The following SLC13A1 variants were observed in gnomAD, a reference collection of about 807,000 sequenced individuals.
SLC13A1 encodes the protein Na(+)/sulfate cotransporter.
SLC13A1 carries 65 observed loss-of-function variants against 70.0 expected under a neutral mutation model. The ratio of observed to expected loss-of-function variants is 0.93; its 90% CI spans 0.76 to 1.14. SLC13A1 has a LOEUF of 1.14. Ranked by LOEUF, SLC13A1 falls within the 50% of genes most tolerant of loss-of-function variation. The probability of loss-of-function intolerance (pLI) is 0.00; values close to 1 mark genes in which losing one functional copy is unlikely to be tolerated. For missense variants in SLC13A1, 726 were observed against 717.8 expected, an observed-to-expected ratio of 1.01 and a Z score of -0.13; for synonymous variants, 275 against 250.5, an observed-to-expected ratio of 1.10 and a Z score of -0.92.
intron 6 of SLC13A1, among the ~76,000 whole-genome samples, chr7:123,150,050 T>C (rs1794500137): frequency 6.6e-6 from 1 of 152,150 alleles, no homozygotes; most frequent in South Asian, 2.1e-4. Flanking sequence ...TTGTTAAAAA[T>C]TACATGCACA....
At chr7:123,194,395 TACTGGGG>T (rs1563359676) in intron 1 of SLC13A1, among the ~76,000 whole-genome samples, 1 of 152,112 alleles carries the variant, frequency 6.6e-6, no homozygotes, top group African/African-American at 2.4e-5. Context: ...GGGAGATAGA[TACTGGGG>T]ACTGTGTGGT....
chr7:123,143,745 T>C lies in SLC13A1; in HGVS notation c.812+3414A>G, dbSNP rs537436201. ...AGGTGCTTTTCTGTATGTAGATAGA[T>C]GTTAAATTGGTGTCCTTGCACGGGG... On this transcript the variant is annotated intron_variant, in intron 7 of 14. Transcript: ENST00000194130. Among the ~76,000 whole-genome samples, 99 of 152,280 alleles carry C rather than the reference T, an allele frequency of 6.5e-4. 2 individuals carry two copies. The highest frequency in any genetic ancestry group is 3.4e-3 in the Middle Eastern group (1 of 294).
intron 2 of SLC13A1, among the ~76,000 whole-genome samples, chr7:123,173,122 T>C (rs1795328939): frequency 6.6e-6 from 1 of 152,060 alleles, no homozygotes; most frequent in Non-Finnish European, 1.5e-5. Context: ...AAACAATAGC[T>C]AATAGAAGGA....
At chr7:123,141,261 T>C (rs1046187411) in intron 7 of SLC13A1, among the ~76,000 whole-genome samples, 1 of 152,160 alleles carries the variant, frequency 6.6e-6, no homozygotes, top group Non-Finnish European at 1.5e-5. Flanking sequence ...TATTCTATTG[T>C]GGTTAGAGAA....
intron 1 of SLC13A1, among the ~76,000 whole-genome samples, chr7:123,189,143 C>G (rs1018368058): frequency 5.0e-5 from 7 of 140,652 alleles, no homozygotes; most frequent in Non-Finnish European, 4.7e-5. Flanking sequence ...GAAAGAAAAT[C>G]TTTCTACATT....
At chr7:123,190,708 A>T (rs914058501) in intron 1 of SLC13A1, 1 of 455,344 alleles carries the variant, frequency 2.2e-6, no homozygotes, top group African/African-American at 2.0e-5. Context: ...TGAGCATTAG[A>T]GTGTCTAAGA....
chr7:123,123,314 A>G (rs1281371580), intron 11 of SLC13A1, 79 bp from the exon 12 acceptor site: 5 of 873,618 alleles, frequency 5.7e-6, no homozygotes, highest in Non-Finnish European at 9.7e-6. Flanking sequence ...CTAAGTAGCC[A>G]TCTTACAGGA....
At chr7:123,137,418 G>A (rs1225591329) in intron 7 of SLC13A1, among the ~76,000 whole-genome samples, 1 of 152,146 alleles carries the variant, frequency 6.6e-6, no homozygotes, top group South Asian at 2.1e-4. Flanking sequence ...TCAAAAGCAC[G>A]AACTATCCCG....
rs187905939 is a variant in SLC13A1, at chr7:123,166,578, C to T, written c.660+1796G>A. Reference sequence around the variant, plus strand: ...CCACACAACAGGCCCCAGTGTGTGACGTTCCCCTTCCTGTGCCCATGTGTT... The same window carrying T: ...CCACACAACAGGCCCCAGTGTGTGATGTTCCCCTTCCTGTGCCCATGTGTT... On this transcript the variant is annotated intron_variant, in intron 6 of 14. Coordinates refer to ENST00000194130, the MANE Select transcript of SLC13A1 (RefSeq NM_022444.4). Among the ~76,000 whole-genome samples, 197 of 152,082 alleles carry T rather than the reference C, an allele frequency of 1.3e-3. 2 individuals are homozygous for T. The highest frequency in any genetic ancestry group is 1.9e-3 in the Non-Finnish European group (130 of 67,994).
At position 123,180,965 on chromosome 7, in the gene SLC13A1, G is replaced by T. The variant is rs776203242; in HGVS notation, c.228+8C>A. ...AAATCAACTTATGACATTGGCAAGA[G>T]GACTTACCTTCTTAGAAGGCATGAT... On this transcript the variant is annotated splice_region_variant and intron_variant, in intron 2 of 14. Coordinates refer to ENST00000194130, the MANE Select transcript of SLC13A1 (RefSeq NM_022444.4). 1 of 1,607,508 alleles carries T rather than the reference G, an allele frequency of 6.2e-7. No individual in the cohort carries two copies. The highest frequency in any genetic ancestry group is 1.7e-5 in the Admixed American group (1 of 58,918).
chr7:123,176,024 G>A (rs1585382527), intron 2 of SLC13A1, among the ~76,000 whole-genome samples: 1 of 152,124 alleles, frequency 6.6e-6, no homozygotes, highest in East Asian at 1.9e-4. Context: ...ATAGCCAAAG[G>A]CAATATGTCA....
At chr7:123,133,650 T>A (rs1036404583) in intron 8 of SLC13A1, among the ~76,000 whole-genome samples, 4 of 151,670 alleles carry the variant, frequency 2.6e-5, no homozygotes, top group Non-Finnish European at 4.4e-5. Context: ...CAATTCTCCT[T>A]CCTCGGCCTC....
At chr7:123,141,679 G>T (rs1209367637) in intron 7 of SLC13A1, among the ~76,000 whole-genome samples, 1 of 151,974 alleles carries the variant, frequency 6.6e-6, no homozygotes, top group Non-Finnish European at 1.5e-5. Flanking sequence ...ATTATATAGT[G>T]ACCTTCTTTG....
intron 7 of SLC13A1, among the ~76,000 whole-genome samples, chr7:123,138,968 GTAT>G (rs1342055623): frequency 6.6e-6 from 1 of 152,070 alleles, no homozygotes; most frequent in Non-Finnish European, 1.5e-5. Flanking sequence ...GGCTTGTGGG[GTAT>G]TATTCAAGAA....
intron 8 of SLC13A1, among the ~76,000 whole-genome samples, chr7:123,132,532 C>A (rs949403864): frequency 1.3e-5 from 2 of 152,050 alleles, no homozygotes; most frequent in Non-Finnish European, 2.9e-5. Context: ...CCACCACGCC[C>A]AGCTAATTTT....
chr7:123,125,569 C>G lies in SLC13A1; in HGVS notation c.1240G>C (p.Val414Leu), dbSNP rs1324676169. 1.3e-6 allele frequency: 2 copies of G among 1,593,842 alleles called. No individual in the cohort carries two copies. The highest frequency in any genetic ancestry group is 1.7e-6 in the Non-Finnish European group (2 of 1,168,312). ...LTKTTPTGEI[V>L]AFDYSPLITW... ...TGCAGAATTATAAATGATACTCAAC[C>G]AATTTCTCCTGTAGGTGTAGTTTTA... Residue 414 changes from valine (V) to leucine (L), a missense_variant and splice_region_variant, in exon 11 of 15, where the codon GTT (valine) becomes CTT (leucine). Physicochemically the swap from Val to Leu is conservative, Grantham distance 32. Coordinates refer to ENST00000194130, the MANE Select transcript of SLC13A1 (RefSeq NM_022444.4).
intron 7 of SLC13A1, among the ~76,000 whole-genome samples, chr7:123,146,169 T>G (rs1054304236): frequency 6.6e-6 from 1 of 152,196 alleles, no homozygotes; most frequent in Non-Finnish European, 1.5e-5. Flanking sequence ...CCCTATCAAC[T>G]GTGACTATTT....
intron 13 of SLC13A1, among the ~76,000 whole-genome samples, chr7:123,118,549 T>C (rs984813032): frequency 6.6e-6 from 1 of 152,134 alleles, no homozygotes; most frequent in Non-Finnish European, 1.5e-5. Flanking sequence ...AGACATTCTT[T>C]CCCTCTCTCT....
At chr7:123,180,786 G>C (rs1013423923) in intron 2 of SLC13A1, among the ~76,000 whole-genome samples, 187 bp downstream of exon 2, 4 of 152,092 alleles carry the variant, frequency 2.6e-5, no homozygotes, top group Admixed American at 2.6e-4. Flanking sequence ...AGAAGCTGCA[G>C]CTTGTGTTTG....
Sources: gnomAD v4.1 joint callset for allele counts (sites outside exome capture counted in the v4.1 genomes callset) on GRCh38, gnomAD v4.1.1 for gene constraint, MANE v1.5 for transcripts, NCBI Gene and HGNC (gene_info 2026-07-23, HGNC 2026-07-21) for gene names.